The following USP47 variants were observed in gnomAD, a reference collection of about 807,000 sequenced individuals.
USP47 encodes the protein ubiquitin specific peptidase 47, also known as ubiquitin carboxyl-terminal hydrolase 47.
In USP47, 35 loss-of-function variants were observed where a neutral mutation model predicts 165.1. The observed-to-expected ratio is 0.21, with a 90% CI of 0.16 to 0.28. USP47 has a LOEUF of 0.28. Among genes scored for constraint, USP47 ranks in the 10% least tolerant of loss-of-function variants. The pLI, the probability that USP47 is intolerant of heterozygous loss-of-function variation, is 1.00. For synonymous variants in USP47, 531 were observed against 544.5 expected (o/e 0.98, Z 0.35); for missense variants, 1,277 against 1,607.4 (o/e 0.79, Z 3.52).
chr11:11,861,218 C>T (rs1849363352), intron 1 of USP47, among the ~76,000 whole-genome samples: 1 of 152,196 alleles, frequency 6.6e-6, no homozygotes, highest in Admixed American at 6.5e-5. Flanking sequence ...CCCCAGCCTC[C>T]TAAGTAGCTG....
rs1036425366 is a variant in USP47 at position 11,960,745 on chromosome 11, G to C, written c.*4570G>C. ...CTTTCAGCAAGCCCTGTGTGCAGGG[G>C]CCTAGCTGCATTTAGAAACCAAGCA... On this transcript the variant is annotated 3_prime_UTR_variant, in exon 28 of 28. Coordinates refer to ENST00000527733, the MANE Select transcript of USP47 (RefSeq NM_001282659.2). Among the ~76,000 whole-genome samples the C allele has an allele frequency of 3.3e-5, 5 of 152,216 alleles. No homozygotes were observed. Among genetic ancestry groups the C allele is most frequent in the African/African-American group, 1.2e-4 (5 of 41,458 alleles).
intron 1 of USP47, among the ~76,000 whole-genome samples, chr11:11,878,876 G>A (rs990653990): frequency 2.0e-5 from 3 of 152,066 alleles, no homozygotes; most frequent in Non-Finnish European, 4.4e-5. Flanking sequence ...TTCAGTACTA[G>A]CCAATTATAA....
chr11:11,901,904 A>G (rs973877784), intron 5 of USP47, among the ~76,000 whole-genome samples: 4 of 150,876 alleles, frequency 2.7e-5, no homozygotes, highest in African/African-American at 9.8e-5. Context: ...GATTGCAGTG[A>G]GCCAAGATCA....
At chr11:11,919,659 G>A (rs1590378051) in intron 8 of USP47, among the ~76,000 whole-genome samples, 1 of 151,826 alleles carries the variant, frequency 6.6e-6, no homozygotes, top group African/African-American at 2.4e-5. Flanking sequence ...CTAGTGCAGT[G>A]GCAGATTACT....
At chr11:11,885,324 T>G (rs1259153892) in intron 3 of USP47, among the ~76,000 whole-genome samples, 1 of 152,084 alleles carries the variant, frequency 6.6e-6, no homozygotes, top group African/African-American at 2.4e-5. Context: ...CACATTCAAC[T>G]GAAATATCCA....
chr11:11,923,301 T>A (rs1213461748), intron 11 of USP47, among the ~76,000 whole-genome samples: 1 of 151,782 alleles, frequency 6.6e-6, no homozygotes, highest in Non-Finnish European at 1.5e-5. Flanking sequence ...AATGTTGGAT[T>A]AGTCATTGAT....
chr11:11,864,859 A>G (rs1004783019), intron 1 of USP47, among the ~76,000 whole-genome samples: 1 of 151,268 alleles, frequency 6.6e-6, no homozygotes, highest in Non-Finnish European at 1.5e-5. Flanking sequence ...AAATCTTTTC[A>G]TTTTTCTTCA....
chr11:11,922,656 T>C (rs1853918143), intron 10 of USP47, 68 bp from the exon 11 acceptor site: 6 of 1,338,654 alleles, frequency 4.5e-6, no homozygotes, highest in South Asian at 1.6e-5. Context: ...AGTATATAGG[T>C]ACAAAGTTTT....
intron 4 of USP47, 101 bp from the exon 5 acceptor site, chr11:11,897,496 C>G (rs889287799): frequency 3.3e-6 from 3 of 899,086 alleles, no homozygotes; most frequent in African/African-American, 3.4e-5. Flanking sequence ...TGAGTAGTAA[C>G]TTTAACCTCT....
intron 11 of USP47, among the ~76,000 whole-genome samples, chr11:11,926,515 TATA>T (rs1461781680): frequency 6.6e-6 from 1 of 152,102 alleles, no homozygotes; most frequent in Non-Finnish European, 1.5e-5. Context: ...GTGGCTTCAG[TATA>T]ATGTCTCCTC....
chr11:11,932,962 A>AGAGC (rs759033241), intron 14 of USP47, 42 bp from the exon 15 acceptor site: 1 of 1,488,492 alleles, frequency 6.7e-7, no homozygotes, highest in Admixed American at 1.8e-5. Context: ...AAGGCAGCTC[A>AGAGC]GTTTCAGTGA....
intron 1 of USP47, among the ~76,000 whole-genome samples, chr11:11,860,494 G>C (rs1341890695): frequency 6.6e-6 from 1 of 152,142 alleles, no homozygotes; most frequent in African/African-American, 2.4e-5. Flanking sequence ...GTTTCTTTCA[G>C]ATGTATAATT....
intron 3 of USP47, among the ~76,000 whole-genome samples, chr11:11,889,792 C>A (rs947282959): frequency 6.6e-6 from 1 of 152,076 alleles, no homozygotes; most frequent in Non-Finnish European, 1.5e-5. Flanking sequence ...ATCATGCTAC[C>A]CAAGTTCAAA....
chr11:11,847,190 A>G (rs1431431053), intron 1 of USP47, among the ~76,000 whole-genome samples: 1 of 152,068 alleles, frequency 6.6e-6, no homozygotes, highest in East Asian at 1.9e-4. Flanking sequence ...ATATATTTAG[A>G]CTTTCATATT....
rs542058153 is a variant in USP47, at chr11:11,947,892, CAG to C, written c.3092-50_3092-49del. ...GTATATGATCTGTTTTATTTATACT[CAG>C]AGGTTTCTTTTACATTTTTGTTCCT... On this transcript the variant is annotated intron_variant, in intron 20 of 27. Coordinates refer to ENST00000527733, the MANE Select transcript of USP47 (RefSeq NM_001282659.2). 8,496 of 1,536,082 alleles carry C rather than the reference CAG, an allele frequency of 5.5e-3. 32 individuals are homozygous for C. The highest frequency in any genetic ancestry group is 6.6e-3 in the Non-Finnish European group (7,486 of 1,141,940).
intron 3 of USP47, 21 bp from the exon 4 acceptor site, chr11:11,891,947 T>G (rs1007374789): frequency 1.2e-6 from 2 of 1,606,406 alleles, no homozygotes; most frequent in African/African-American, 1.3e-5. Context: ...TTACTAACTA[T>G]TTGAATATGT....
At chr11:11,923,129 A>AT (rs1853984903) in intron 11 of USP47, among the ~76,000 whole-genome samples, 1 of 147,270 alleles carries the variant, frequency 6.8e-6, no homozygotes, top group Admixed American at 6.8e-5. Context: ...AGGTAAGAAC[A>AT]TTAATTTTTG....
At chr11:11,942,234 A>G (rs1255464309) in intron 19 of USP47, 101 bp from the exon 20 acceptor site, 7 of 1,299,380 alleles carry the variant, frequency 5.4e-6, no homozygotes, top group Middle Eastern at 2.1e-4. Context: ...ACATGTTATA[A>G]CATAACTGTG....
At chr11:11,865,491 T>G (rs532670561) in intron 1 of USP47, among the ~76,000 whole-genome samples, 1 of 152,250 alleles carries the variant, frequency 6.6e-6, no homozygotes, top group South Asian at 2.1e-4. Flanking sequence ...TGCTGAGACT[T>G]TCTGTTTTTT....
Sources: allele counts gnomAD v4.1 joint callset (sites outside exome capture counted in the v4.1 genomes callset), GRCh38; gene constraint gnomAD v4.1.1; transcripts MANE v1.5; gene names NCBI Gene and HGNC (gene_info 2026-07-23, HGNC 2026-07-21).